The following PID1 variants were observed in gnomAD, a reference collection of about 807,000 sequenced individuals.
PID1 encodes PTB-containing, cubilin and LRP1-interacting protein.
PID1 carries 10 observed loss-of-function variants against 19.1 expected under a neutral mutation model. The observed-to-expected ratio is 0.52, with a 90% confidence interval of 0.32 to 0.89. The LOEUF (loss-of-function observed/expected upper bound fraction) is 0.89, where lower values mean the gene tolerates loss of function less well. PID1 is among the 40% of genes least tolerant of loss of function. The probability of loss-of-function intolerance (pLI) is 0.03; values close to 1 mark genes in which losing one functional copy is unlikely to be tolerated. For synonymous variants in PID1, 130 were observed against 116.0 expected (o/e 1.12, Z -0.78); for missense variants, 248 against 285.3 (o/e 0.87, Z 0.94).
chr2:229,163,674 T>TGTGTGC (rs374622113), intron 1 of PID1, among the ~76,000 whole-genome samples: 1 of 94,488 alleles, frequency 1.1e-5, no homozygotes, highest in Non-Finnish European at 2.5e-5. Flanking sequence ...TGTGTGTGTG[T>TGTGTGC]GCGTGTGCGT....
intron 2 of PID1, among the ~76,000 whole-genome samples, chr2:229,055,951 G>A (rs1694089625): frequency 6.6e-6 from 1 of 152,212 alleles, no homozygotes; most frequent in African/African-American, 2.4e-5. Flanking sequence ...GCCTGTCCAA[G>A]TGGACACGGC....
intron 2 of PID1, among the ~76,000 whole-genome samples, chr2:229,031,215 C>CA (rs3083804): frequency 0.026 from 1,778 of 68,346 alleles, 73 homozygotes; most frequent in East Asian, 0.1. Flanking sequence ...GACTCTGTCT[C>CA]AAAAAAAAAA....
intron 1 of PID1, chr2:229,262,825 T>A: frequency 2.6e-6 from 4 of 1,550,732 alleles, no homozygotes; most frequent in Non-Finnish European, 3.5e-6. Flanking sequence ...TATGATGCCA[T>A]AACTCCGGTT....
intron 2 of PID1, among the ~76,000 whole-genome samples, chr2:229,105,111 G>A (rs1468874748): frequency 6.6e-6 from 1 of 152,204 alleles, no homozygotes; most frequent in Non-Finnish European, 1.5e-5. Context: ...TTGGCCAATA[G>A]ACTTTTGAAA....
chr2:229,090,537 A>G (rs1694852064), intron 2 of PID1, among the ~76,000 whole-genome samples: 2 of 152,176 alleles, frequency 1.3e-5, no homozygotes, highest in South Asian at 4.1e-4. Context: ...CCCGATGCCC[A>G]GATCAGAGTT....
intron 1 of PID1, among the ~76,000 whole-genome samples, chr2:229,204,672 G>A (rs528393890): frequency 2.4e-4 from 37 of 152,154 alleles, no homozygotes; most frequent in Admixed American, 5.2e-4. Context: ...ACTGTACAAC[G>A]GAATGATCAT....
At chr2:229,125,600 A>G (rs983501552) in intron 2 of PID1, among the ~76,000 whole-genome samples, 1 of 152,224 alleles carries the variant, frequency 6.6e-6, no homozygotes, top group Non-Finnish European at 1.5e-5. Context: ...ACTACACTGA[A>G]GTACATAAAT....
chr2:229,205,235 A>G lies in PID1; in HGVS notation c.31-49271T>C, dbSNP rs115692798. 5.4e-3 allele frequency among the ~76,000 whole-genome samples: 794 copies of G among 147,854 alleles called. 10 individuals are homozygous for G. The highest frequency in any genetic ancestry group is 0.019 in the African/African-American group (764 of 40,790). ...ATGCTACACACACACAATCACACAT[A>G]CATACTACATACACACACATACTAC... On this transcript the variant is annotated intron_variant, in intron 1 of 2. Coordinates refer to ENST00000392055, the MANE Select transcript of PID1 (RefSeq NM_001100818.2).
intron 2 of PID1, among the ~76,000 whole-genome samples, chr2:229,079,241 A>C (rs1694623627): frequency 6.6e-6 from 1 of 152,208 alleles, no homozygotes; most frequent in Non-Finnish European, 1.5e-5. Context: ...TAACTCTAAA[A>C]AAGCCTCTTT....
intron 2 of PID1, among the ~76,000 whole-genome samples, chr2:229,078,734 C>T (rs536370090): frequency 1.3e-5 from 2 of 152,192 alleles, no homozygotes; most frequent in East Asian, 3.9e-4. Context: ...TCACAGATGA[C>T]ATCATCTTCA....
At chr2:229,210,719 A>G (rs537748221) in intron 1 of PID1, among the ~76,000 whole-genome samples, 3 of 152,134 alleles carry the variant, frequency 2.0e-5, no homozygotes, top group African/African-American at 4.8e-5. Flanking sequence ...TGATGTGCCA[A>G]TATGGTGCTA....
intron 2 of PID1, among the ~76,000 whole-genome samples, chr2:229,103,994 G>A (rs1331327675): frequency 6.6e-6 from 1 of 152,184 alleles, no homozygotes; most frequent in Non-Finnish European, 1.5e-5. Context: ...AGGCTTTTAG[G>A]ACCATAGGTT....
chr2:229,140,584 C>CA (rs1559252709), intron 2 of PID1, among the ~76,000 whole-genome samples: 2 of 151,850 alleles, frequency 1.3e-5, no homozygotes, highest in African/African-American at 4.9e-5. Flanking sequence ...ACTGATGATC[C>CA]AATTGCATCT....
chr2:229,232,694 A>G (rs1364871944), intron 1 of PID1, among the ~76,000 whole-genome samples: 1 of 145,894 alleles, frequency 6.9e-6, no homozygotes, highest in Non-Finnish European at 1.5e-5. Context: ...GTATACATAC[A>G]TATATATATA....
chr2:229,095,621 A>C, intron 2 of PID1, among the ~76,000 whole-genome samples: 1 of 152,184 alleles, frequency 6.6e-6, no homozygotes, highest in East Asian at 1.9e-4. Context: ...ATTTCTTTTC[A>C]TATCAGAAAC....
intron 1 of PID1, among the ~76,000 whole-genome samples, chr2:229,167,397 T>C (rs1393042623): frequency 6.6e-6 from 1 of 152,132 alleles, no homozygotes; most frequent in Non-Finnish European, 1.5e-5. Flanking sequence ...TGTCTCTAAA[T>C]ATAATATACT....
chr2:229,269,524 C>G (rs1374230001), intron 1 of PID1, among the ~76,000 whole-genome samples: 2 of 152,240 alleles, frequency 1.3e-5, no homozygotes, highest in Non-Finnish European at 1.5e-5. Flanking sequence ...GGTCACATCT[C>G]TCTAAGGACT....
At chr2:229,192,124 A>T (rs926436551) in intron 1 of PID1, among the ~76,000 whole-genome samples, 46 of 152,246 alleles carry the variant, frequency 3.0e-4, no homozygotes, top group African/African-American at 1.1e-3. Context: ...AAAAAAATAC[A>T]GAAAATGTAG....
At chr2:229,216,453 GGAA>G (rs1691848482) in intron 1 of PID1, among the ~76,000 whole-genome samples, 1 of 152,120 alleles carries the variant, frequency 6.6e-6, no homozygotes. Context: ...AGAACTCACA[GGAA>G]GAAGAATATA....
Sources: allele counts gnomAD v4.1 joint callset (sites outside exome capture counted in the v4.1 genomes callset), GRCh38; gene constraint gnomAD v4.1.1; transcripts MANE v1.5; gene names NCBI Gene and HGNC (gene_info 2026-07-23, HGNC 2026-07-21).